Variants in ST7 observed in about 807,000 individuals in gnomAD.
ST7 encodes the protein suppression of tumorigenicity 7.
A neutral mutation model predicts 78.7 loss-of-function variants in ST7; 28 were observed. The observed-to-expected ratio is 0.36, with a 90% CI of 0.26 to 0.49. ST7 has a LOEUF of 0.49. Ranked by LOEUF, ST7 falls within the 20% of genes least tolerant of loss-of-function variation. The pLI is 0.99. For synonymous variants in ST7, 247 were observed against 249.6 expected (o/e 0.99, Z 0.10); for missense variants, 418 against 696.0 (o/e 0.60, Z 4.49).
intron 10 of ST7, among the ~76,000 whole-genome samples, chr7:117,181,002 T>C (rs1224374962): frequency 1.3e-5 from 2 of 152,130 alleles, no homozygotes; most frequent in Non-Finnish European, 2.9e-5. Flanking sequence ...AAACCACAAA[T>C]GGAATTTCAA....
intron 10 of ST7, among the ~76,000 whole-genome samples, chr7:117,181,490 G>A (rs1808765707): frequency 6.6e-6 from 1 of 152,176 alleles, no homozygotes. Flanking sequence ...AAAAGAAAAA[G>A]ATTTTGGGAG....
intron 15 of ST7, among the ~76,000 whole-genome samples, chr7:117,228,771 C>A (rs569866653): frequency 1.3e-5 from 2 of 152,312 alleles, no homozygotes; most frequent in Middle Eastern, 6.8e-3. Flanking sequence ...CTGCACTACA[C>A]TTCTATGAGA....
chr7:117,095,546 T>C (rs1379485846), intron 1 of ST7, among the ~76,000 whole-genome samples: 3 of 152,226 alleles, frequency 2.0e-5, no homozygotes, highest in Non-Finnish European at 2.9e-5. Flanking sequence ...CTCTACATGA[T>C]GCATTCCCTG....
chr7:116,954,922 GT>G (rs1273125561), intron 1 of ST7: 2 of 285,226 alleles, frequency 7.0e-6, no homozygotes, highest in Non-Finnish European at 1.4e-5. Flanking sequence ...ACTAACTTAA[GT>G]ATTTTGATTA....
intron 13 of ST7, among the ~76,000 whole-genome samples, chr7:117,210,183 G>A (rs2116038719): frequency 6.6e-6 from 1 of 152,314 alleles, no homozygotes; most frequent in South Asian, 2.1e-4. Context: ...GAACCCAGAT[G>A]TTCTTCAAAG....
intron 14 of ST7, among the ~76,000 whole-genome samples, chr7:117,221,378 A>G (rs886103875): frequency 6.6e-6 from 1 of 152,128 alleles, no homozygotes; most frequent in Non-Finnish European, 1.5e-5. Context: ...CTTGCTGGAT[A>G]TCTCTCTATG....
intron 1 of ST7, chr7:116,956,394 C>T: frequency 2.2e-6 from 1 of 451,480 alleles, no homozygotes; most frequent in South Asian, 1.6e-5. Flanking sequence ...TAAAAGAGTT[C>T]TAACGGGACT....
chr7:117,141,485 C>T (rs1202723899), intron 9 of ST7, among the ~76,000 whole-genome samples: 5 of 152,140 alleles, frequency 3.3e-5, no homozygotes, highest in Non-Finnish European at 7.4e-5. Context: ...CATCACTTCT[C>T]ATTTTTTAAA....
chr7:117,016,845 A>G (rs1026790703), intron 1 of ST7, among the ~76,000 whole-genome samples: 2 of 152,178 alleles, frequency 1.3e-5, no homozygotes, highest in Admixed American at 6.5e-5. Context: ...GAAGAGAACA[A>G]CTCATGTTTT....
chr7:117,096,205 C>T (rs1158163114), intron 1 of ST7, among the ~76,000 whole-genome samples: 2 of 149,146 alleles, frequency 1.3e-5, no homozygotes, highest in Non-Finnish European at 3.0e-5. Context: ...AAAATAATTG[C>T]TAATGACTTT....
intron 2 of ST7, among the ~76,000 whole-genome samples, chr7:117,116,995 G>A (rs1802942686): frequency 6.6e-6 from 1 of 152,150 alleles, no homozygotes. Flanking sequence ...TTGAAAAAAG[G>A]AATGATAGGC....
chr7:116,973,720 A>G (rs773746928), intron 1 of ST7, among the ~76,000 whole-genome samples: 66 of 152,236 alleles, frequency 4.3e-4, no homozygotes, highest in Non-Finnish European at 6.2e-4. Flanking sequence ...AGTTTTAAAA[A>G]TGTACATGAT....
rs185546191 is a variant in ST7, at chr7:117,063,965, C to T, written c.152-35797C>T. On this transcript the variant is annotated intron_variant, in intron 1 of 15. Coordinates refer to ENST00000323984, the MANE Select transcript of ST7 (RefSeq NM_001369598.1). ...GTATGATTTGAAGCACAATAATTTTCAGAACATTAAATTTCTATTTAGGGA... is the reference window on the plus strand; with the variant it reads ...GTATGATTTGAAGCACAATAATTTTTAGAACATTAAATTTCTATTTAGGGA... 1.1e-4 allele frequency among the ~76,000 whole-genome samples: 16 copies of T among 152,232 alleles called. No individual in the cohort carries two copies. In the East Asian group the frequency reaches 2.9e-3, roughly 27 times the overall value.
intron 1 of ST7, among the ~76,000 whole-genome samples, chr7:116,997,986 C>T (rs560494311): frequency 1.3e-4 from 20 of 152,364 alleles, no homozygotes; most frequent in South Asian, 4.1e-4. Context: ...AGTCCCATGC[C>T]GTGTGCCCTC....
rs973161775 is a variant in ST7 at position 117,125,701 on chromosome 7, T to G, written c.395-4092T>G. Among the ~76,000 whole-genome samples the G allele has an allele frequency of 2.0e-5, 3 of 152,114 alleles. No homozygotes were observed. The South Asian group carries it at 6.2e-4, about 31-fold the overall frequency. On this transcript the variant is annotated intron_variant, in intron 3 of 15. Coordinates refer to ENST00000323984, the MANE Select transcript of ST7 (RefSeq NM_001369598.1). ...ATTGACTGGCTTGGGGTTAATTTTA[T>G]AATACAAGCCAATGAAACTTTAGCT...
intron 15 of ST7, chr7:117,223,855 G>T (rs939593481): frequency 5.7e-6 from 4 of 695,980 alleles, no homozygotes; most frequent in Admixed American, 1.3e-4. Flanking sequence ...CCAAGGCTTT[G>T]CACAGTGCCT....
chr7:117,170,909 C>T lies in ST7; in HGVS notation c.1011C>T (p.Asn337=). 1 of 1,611,812 alleles carries T rather than the reference C, an allele frequency of 6.2e-7. No individual in the cohort carries two copies. The highest frequency in any genetic ancestry group is 8.5e-7 in the Non-Finnish European group (1 of 1,178,772). The change falls in exon 10 of 16, where the codon AAC becomes AAT. Residue 337 remains asparagine, a synonymous_variant. Transcript: ENST00000323984. The part of the protein sequence containing the change: ...PLLSMFNIHE[N]LLEALLELQA... ...TGAGTATGTTCAATATCCATGAAAA[C>T]CTTTTAGAAGCCCTTCTGGAACTAC... is the stretch of plus-strand genomic sequence containing the variant.
At position 117,130,515 on chromosome 7, in the gene ST7, G is replaced by A; in HGVS notation, c.474G>A (p.Glu158=). The change falls in exon 5 of 16, where the codon GAG becomes GAA. Residue 158 remains glutamate (E), a synonymous_variant. Coordinates refer to ENST00000323984, the MANE Select transcript of ST7 (RefSeq NM_001369598.1). ...YNRYTWVTGR[E]PLTYYDMNLS... ...GGTATACTTGGGTGACAGGACGAGA[G>A]CCTCTTACTTACTATGACATGAATC... 2 of 1,611,228 alleles carry A rather than the reference G, an allele frequency of 1.2e-6. No individual in the cohort carries two copies. Among genetic ancestry groups the A allele is most frequent in the Non-Finnish European group, 1.7e-6 (2 of 1,178,256 alleles).
At chr7:117,145,283 G>T (rs1805673390) in intron 9 of ST7, 1 of 152,130 alleles carries the variant, frequency 6.6e-6, no homozygotes, top group Non-Finnish European at 1.5e-5. Flanking sequence ...TAGAATTTTA[G>T]CGTAAAACCA....
Sources: gnomAD v4.1 joint callset for allele counts (sites outside exome capture counted in the v4.1 genomes callset) on GRCh38, gnomAD v4.1.1 for gene constraint, MANE v1.5 for transcripts, NCBI Gene and HGNC (gene_info 2026-07-23, HGNC 2026-07-21) for gene names.